Variants in FGF12 observed in about 807,000 individuals in gnomAD.
FGF12 encodes the protein fibroblast growth factor 12, also known as fibroblast growth factor 12B.
A neutral mutation model predicts 23.6 loss-of-function variants in FGF12; 14 were observed. The observed-to-expected ratio is 0.59, with a 90% confidence interval of 0.39 to 0.93. The LOEUF (loss-of-function observed/expected upper bound fraction) is 0.93. FGF12 is among the 40% of genes least tolerant of loss of function. The probability of loss-of-function intolerance (pLI) is 0.00; values close to 1 mark genes in which losing one functional copy is unlikely to be tolerated. For missense variants in FGF12, 175 were observed against 217.8 expected (o/e 0.80, Z 1.24); for synonymous variants, 62 against 77.3 (o/e 0.80, Z 1.04).
rs548384591 is a variant in FGF12 at position 192,264,648 on chromosome 3, T to C, written c.228+70713A>G. On this transcript the variant is annotated intron_variant, in intron 4 of 5. Transcript: ENST00000445105. ...TGATGTACAGAGAGGATAGAAACGT[T>C]GCCAAGGTCATACTTTATACTTTAT... 2.1e-4 allele frequency among the ~76,000 whole-genome samples: 32 copies of C among 152,224 alleles called. No individual in the cohort carries two copies. The South Asian group carries it at 6.6e-3, about 32-fold the overall frequency.
At chr3:192,527,635 A>C (rs1311888130) in intron 2 of FGF12, among the ~76,000 whole-genome samples, 1 of 152,210 alleles carries the variant, frequency 6.6e-6, no homozygotes, top group African/African-American at 2.4e-5. Flanking sequence ...TATGTAAATA[A>C]TCCATTTAGA....
intron 2 of FGF12, among the ~76,000 whole-genome samples, chr3:192,422,317 A>G (rs1404293870): frequency 6.6e-6 from 1 of 152,146 alleles, no homozygotes; most frequent in African/African-American, 2.4e-5. Flanking sequence ...GATTAACCAG[A>G]TGATTGCTAA....
intron 2 of FGF12, among the ~76,000 whole-genome samples, chr3:192,684,708 T>G (rs773830218): frequency 6.6e-6 from 1 of 152,218 alleles, no homozygotes; most frequent in Non-Finnish European, 1.5e-5. Flanking sequence ...TTCTATAAAG[T>G]GTTATGTTTA....
At chr3:192,272,548 G>A (rs905346318) in intron 4 of FGF12, among the ~76,000 whole-genome samples, 6 of 152,126 alleles carry the variant, frequency 3.9e-5, no homozygotes, top group African/African-American at 1.4e-4. Context: ...CTCAACAATG[G>A]AGAAGGGGGC....
At chr3:192,425,737 A>C (rs1258573716) in intron 2 of FGF12, among the ~76,000 whole-genome samples, 1 of 152,248 alleles carries the variant, frequency 6.6e-6, no homozygotes, top group Admixed American at 6.5e-5. Flanking sequence ...ACAGAGAGCT[A>C]TTGAAAGTTT....
chr3:192,230,700 A>G (rs1234259012), intron 4 of FGF12, among the ~76,000 whole-genome samples: 2 of 152,160 alleles, frequency 1.3e-5, no homozygotes, highest in Non-Finnish European at 2.9e-5. Flanking sequence ...CTAGAGTTTC[A>G]GGTGGAAGTA....
intron 2 of FGF12, among the ~76,000 whole-genome samples, chr3:192,520,489 TTACAG>T (rs1435516817): frequency 1.3e-5 from 2 of 152,178 alleles, no homozygotes; most frequent in African/African-American, 4.8e-5. Context: ...GTCTTGAACT[TTACAG>T]TATCCAATCA....
At chr3:192,536,418 TATC>T (rs1464570580) in intron 2 of FGF12, among the ~76,000 whole-genome samples, 5 of 152,116 alleles carry the variant, frequency 3.3e-5, no homozygotes, top group Admixed American at 6.6e-5. Context: ...AACCAACAAA[TATC>T]ATGCCCTCCA....
chr3:192,289,304 T>A (rs1714630313), intron 4 of FGF12, among the ~76,000 whole-genome samples: 1 of 152,112 alleles, frequency 6.6e-6, no homozygotes, highest in Admixed American at 6.6e-5. Flanking sequence ...TTTGAATGAG[T>A]CCATCAGTGC....
intron 2 of FGF12, among the ~76,000 whole-genome samples, chr3:192,690,586 C>CAAAAAAAAAAA (rs35837229): frequency 1.1e-5 from 1 of 92,116 alleles, no homozygotes. Context: ...CACAACACTA[C>CAAAAAAAAAAA]AAAAAAAAAA....
chr3:192,251,394 T>C (rs1712003330), intron 4 of FGF12, among the ~76,000 whole-genome samples: 1 of 152,168 alleles, frequency 6.6e-6, no homozygotes, highest in African/African-American at 2.4e-5. Context: ...ATAACAGGTG[T>C]ATCAGTTGAT....
chr3:192,214,062 GA>G (rs1452753705), intron 4 of FGF12, among the ~76,000 whole-genome samples: 1 of 152,166 alleles, frequency 6.6e-6, no homozygotes, highest in Non-Finnish European at 1.5e-5. Flanking sequence ...CTCGTTACTA[GA>G]ATGCCAAACT....
At chr3:192,475,522 C>T (rs1723293759) in intron 2 of FGF12, among the ~76,000 whole-genome samples, 1 of 152,160 alleles carries the variant, frequency 6.6e-6, no homozygotes, top group Non-Finnish European at 1.5e-5. Context: ...TCCAGAAATA[C>T]TGAAATAAAT....
intron 4 of FGF12, among the ~76,000 whole-genome samples, chr3:192,250,714 A>G (rs1467729840): frequency 6.6e-6 from 1 of 152,138 alleles, no homozygotes; most frequent in Non-Finnish European, 1.5e-5. Context: ...ATCAAAACAT[A>G]GTATAAAATG....
chr3:192,451,128 GAAT>G (rs1706966936), intron 2 of FGF12, among the ~76,000 whole-genome samples: 1 of 152,172 alleles, frequency 6.6e-6, no homozygotes, highest in Non-Finnish European at 1.5e-5. Context: ...TCTGGGACAA[GAAT>G]TACTTTATTG....
chr3:192,386,099 C>G (rs961025229), intron 2 of FGF12, among the ~76,000 whole-genome samples: 1 of 152,142 alleles, frequency 6.6e-6, no homozygotes, highest in African/African-American at 2.4e-5. Context: ...GGTGAATAAA[C>G]GAGGAATAAA....
At chr3:192,302,087 A>G (rs1252689169) in intron 4 of FGF12, among the ~76,000 whole-genome samples, 1 of 152,190 alleles carries the variant, frequency 6.6e-6, no homozygotes, top group Non-Finnish European at 1.5e-5. Flanking sequence ...AGTGAGCACA[A>G]CACTTGCTTT....
chr3:192,390,775 A>C (rs1226529234), intron 2 of FGF12, among the ~76,000 whole-genome samples: 1 of 152,234 alleles, frequency 6.6e-6, no homozygotes, highest in African/African-American at 2.4e-5. Flanking sequence ...AGTCAAAGAT[A>C]AGTGGGGTCC....
chr3:192,704,953 C>A (rs1718421053), intron 2 of FGF12, among the ~76,000 whole-genome samples: 2 of 152,244 alleles, frequency 1.3e-5, no homozygotes, highest in Non-Finnish European at 2.9e-5. Flanking sequence ...TTCCTCATCT[C>A]TCTCAGCCTT....
Sources: allele counts gnomAD v4.1 joint callset (sites outside exome capture counted in the v4.1 genomes callset), GRCh38; gene constraint gnomAD v4.1.1; transcripts MANE v1.5; gene names NCBI Gene and HGNC (gene_info 2026-07-23, HGNC 2026-07-21).